PAF1: variants seen among roughly 807,000 people sequenced by gnomAD.
The protein encoded by PAF1 is RNA polymerase II-associated factor 1 homolog.
Under a neutral mutation model 68.4 loss-of-function variants are expected in PAF1, and 31 were observed. The ratio of observed to expected loss-of-function variants is 0.45; its 90% CI spans 0.34 to 0.61. The LOEUF is 0.61. Ranked by LOEUF, PAF1 falls within the 20% of genes least tolerant of loss-of-function variation. PAF1 has a pLI of 0.01. For synonymous variants in PAF1, 256 were observed against 240.5 expected (o/e 1.06, Z -0.60); for missense variants, 435 against 692.9 (o/e 0.63, Z 4.18).
intron 11 of PAF1, among the ~76,000 whole-genome samples, chr19:39,387,788 TA>T (rs2078285195): frequency 6.6e-6 from 1 of 152,240 alleles, no homozygotes; most frequent in Non-Finnish European, 1.5e-5. Context: ...AGTCTGTTAC[TA>T]ATACTGGGAA....
chr19:39,390,570 T>C (rs957634931), intron 1 of PAF1, among the ~76,000 whole-genome samples: 1 of 152,190 alleles, frequency 6.6e-6, no homozygotes. Flanking sequence ...TACTCAATCG[T>C]CTTCGGAAGA....
Position 39,391,093 on chromosome 19 carries a change from G to A in PAF1, c.-229C>T. Reference sequence around the variant, plus strand: ...ACTCGAAGCTCCGGTTCCACCAACTGCCGCCAAGACGCTGAGGACCCAACG... The same window carrying A: ...ACTCGAAGCTCCGGTTCCACCAACTACCGCCAAGACGCTGAGGACCCAACG... On this transcript the variant is annotated 5_prime_UTR_variant, in exon 1 of 14. Coordinates refer to ENST00000221265, the MANE Select transcript of PAF1 (RefSeq NM_019088.4). The A allele has an allele frequency of 1.6e-6, 1 of 631,234 alleles. No homozygotes were observed. Among genetic ancestry groups the A allele is most frequent in the Non-Finnish European group, 2.7e-6 (1 of 366,874 alleles). 39.1% of individuals were successfully genotyped at this position (631,234 alleles called of 1,614,324 possible).
In PAF1 at chr19:39,386,317, C is replaced by T; in HGVS notation, c.1270G>A (p.Asp424Asn). 1 of 1,614,222 alleles carries T rather than the reference C, an allele frequency of 6.2e-7. No individual in the cohort carries two copies. Among genetic ancestry groups the T allele is most frequent in the Non-Finnish European group, 8.5e-7 (1 of 1,180,038 alleles). ...SGSESEREEG[D>N]RDEASDKSGS... ...CTCTTGTCACTGGCCTCGTCCCTGT[C>T]ACCTTCCTCCCGTTCACTCTCGCTG... The change falls in exon 14 of 14, where the codon GAC becomes AAC. Residue 424 changes from aspartate (D) to asparagine (N), a missense_variant. Asp to Asn is a conservative substitution (Grantham distance 23). Transcript: ENST00000221265. The surrounding 1 kb of genome is among the most constrained non-coding windows in gnomAD (Gnocchi z 6.1).
Position 39,386,065 on chromosome 19 carries a change from C to T in PAF1, c.1522G>A (p.Glu508Lys), listed in dbSNP as rs1037226366. 16 of 1,613,878 alleles carry T rather than the reference C, an allele frequency of 9.9e-6. No homozygotes were observed. The highest frequency in any genetic ancestry group is 1.4e-5 in the Non-Finnish European group (16 of 1,180,032). The change falls in exon 14 of 14, where the codon GAG becomes AAG. Residue 508 changes from glutamate to lysine, a missense_variant. Physicochemically the swap from Glu to Lys is moderately conservative, Grantham distance 56 (BLOSUM62 1). Around this residue, in one of 7 missense-constraint regions of PAF1, gnomAD observed 83 missense variants for 99.9 expected, o/e 0.83. Coordinates refer to ENST00000221265, the MANE Select transcript of PAF1 (RefSeq NM_019088.4). This position sits in a 1 kb window ranked among gnomAD's most constrained non-coding sequence, Gnocchi z 6.1. ...CTGCCATCCTCCTGGGCCGAGTGCTCGCTGCCACTGGGGAAGGGACTGGCG... is the reference window on the plus strand; with the variant it reads ...CTGCCATCCTCCTGGGCCGAGTGCTTGCTGCCACTGGGGAAGGGACTGGCG... ...RSASPFPSGSEHSAQEDGSEA... is the reference protein window; with the variant it reads ...RSASPFPSGSKHSAQEDGSEA...
At chr19:39,387,582 T>C (rs1381414256) in intron 11 of PAF1, among the ~76,000 whole-genome samples, 2 of 152,214 alleles carry the variant, frequency 1.3e-5, no homozygotes, top group African/African-American at 4.8e-5. Flanking sequence ...TCACAGTTCT[T>C]GTAATCTCTG....
chr19:39,386,276 G>C lies in PAF1; in HGVS notation c.1311C>G (p.Asp437Glu), dbSNP rs145049661. Residue 437 changes from aspartate (D) to glutamate (E), a missense_variant, in exon 14 of 14, where the codon GAC becomes GAG. Physicochemically the swap from Asp to Glu is conservative, Grantham distance 45. Coordinates refer to ENST00000221265, the MANE Select transcript of PAF1 (RefSeq NM_019088.4). The surrounding 1 kb of genome is among the most constrained non-coding windows in gnomAD (Gnocchi z 6.1). ...EASDKSGSGEDESSEDEARAA... is the reference protein window; with the variant it reads ...EASDKSGSGEEESSEDEARAA... Reference sequence around the variant, plus strand: ...CCCGGGCCTCATCCTCGCTGCTCTCGTCCTCACCACTGCCACTCTTGTCAC... The same window carrying C: ...CCCGGGCCTCATCCTCGCTGCTCTCCTCCTCACCACTGCCACTCTTGTCAC... 1.9e-6 allele frequency: 3 copies of C among 1,613,950 alleles called. No individual in the cohort carries two copies. Among genetic ancestry groups the C allele is most frequent in the South Asian group, 2.2e-5 (2 of 91,078 alleles).
chr19:39,390,218 C>G, intron 2 of PAF1, 42 bp downstream of exon 2: 6 of 1,613,392 alleles, frequency 3.7e-6, no homozygotes, highest in Non-Finnish European at 5.1e-6. Context: ...TGCTCCCAGC[C>G]CCACTGCCCC....
Position 39,386,084 on chromosome 19 carries a change from A to G in PAF1, c.1503T>C (p.Ser501=), listed in dbSNP as rs775782448. 1.2e-6 allele frequency: 2 copies of G among 1,613,888 alleles called. No homozygotes were observed. Among genetic ancestry groups the G allele is most frequent in the Non-Finnish European group, 1.7e-6 (2 of 1,180,010 alleles). ...QRSRSHSRSA[S]PFPSGSEHSA... ...AGTGCTCGCTGCCACTGGGGAAGGG[A>G]CTGGCGCTGCGGCTGTGGCTCCGGC... Residue 501 remains serine, a synonymous_variant, in exon 14 of 14, where the codon AGT becomes AGC. Transcript: ENST00000221265. This position sits in a 1 kb window ranked among gnomAD's most constrained non-coding sequence, Gnocchi z 6.1.
At position 39,390,926 on chromosome 19, in the gene PAF1, G is replaced by A; in HGVS notation, c.-62C>T. 6.6e-7 allele frequency: 1 copy of A among 1,505,864 alleles called. No individual in the cohort carries two copies. Among genetic ancestry groups the A allele is most frequent in the Non-Finnish European group, 9.0e-7 (1 of 1,108,918 alleles). 93.3% of individuals were successfully genotyped at this position (1,505,864 alleles called of 1,614,324 possible). ...CGGGACCGAAGGGGGACGCAGAGGG[G>A]CGTGCCGACTTCAGGGGACGCCTGA... On this transcript the variant is annotated 5_prime_UTR_variant, in exon 1 of 14. Coordinates refer to ENST00000221265, the MANE Select transcript of PAF1 (RefSeq NM_019088.4).
Position 39,386,291 on chromosome 19 carries a change from A to G in PAF1, c.1296T>C (p.Ser432=), listed in dbSNP as rs2078246722. The G allele has an allele frequency of 6.2e-7, 1 of 1,613,052 alleles. No homozygotes were observed. The highest frequency in any genetic ancestry group is 1.7e-5 in the Admixed American group (1 of 59,910). The change falls in exon 14 of 14, where the codon AGT becomes AGC. Residue 432 remains serine, a synonymous_variant. Coordinates refer to ENST00000221265, the MANE Select transcript of PAF1 (RefSeq NM_019088.4). The surrounding 1 kb of genome is among the most constrained non-coding windows in gnomAD (Gnocchi z 6.1). ...EGDRDEASDK[S]GSGEDESSED... is the part of the protein sequence containing the mutation. ...CGCTGCTCTCGTCCTCACCACTGCC[A>G]CTCTTGTCACTGGCCTCGTCCCTGT... is the stretch of plus-strand genomic sequence containing the variant.
intron 1 of PAF1, 56 bp downstream of exon 1, chr19:39,390,762 G>A (rs919602982): frequency 3.9e-6 from 6 of 1,528,334 alleles, no homozygotes; most frequent in Admixed American, 2.0e-5. Context: ...ACGTTGTTCA[G>A]CAGAAACCCT....
At position 39,389,613 on chromosome 19, in the gene PAF1, G is replaced by C; in HGVS notation, c.292+27C>G. On this transcript the variant is annotated intron_variant, in intron 4 of 13. Coordinates refer to ENST00000221265, the MANE Select transcript of PAF1 (RefSeq NM_019088.4). The surrounding 1 kb of genome is among the most constrained non-coding windows in gnomAD (Gnocchi z 5.3). The stretch of plus-strand genomic sequence containing the variant: ...AGGCCTGAGCCTTTGCTGACCTAGA[G>C]CAGACCCTCCCTGTCTCCCCACACA... The C allele has an allele frequency of 6.2e-7, 1 of 1,614,210 alleles. No individual in the cohort carries two copies. Among genetic ancestry groups the C allele is most frequent in the Non-Finnish European group, 8.5e-7 (1 of 1,180,022 alleles).
chr19:39,386,806 G>T lies in PAF1; in HGVS notation c.987-7C>A. On this transcript the variant is annotated splice_region_variant and splice_polypyrimidine_tract_variant and intron_variant, in intron 11 of 13. Coordinates refer to ENST00000221265, the MANE Select transcript of PAF1 (RefSeq NM_019088.4). The surrounding 1 kb of genome is among the most constrained non-coding windows in gnomAD (Gnocchi z 6.1). ...GCGCTTACTAAGGCGGACCCTGCAG[G>T]GGGTGAATTTGGGAGAGAGAAGTGG... 1.2e-6 allele frequency: 2 copies of T among 1,603,776 alleles called. No homozygotes were observed. Among genetic ancestry groups the T allele is most frequent in the South Asian group, 1.1e-5 (1 of 90,878 alleles).
At position 39,388,800 on chromosome 19, in the gene PAF1, A is replaced by C; in HGVS notation, c.702T>G (p.Gly234=). The change falls in exon 9 of 14, where the codon GGT becomes GGG. Residue 234 remains glycine, a synonymous_variant. Coordinates refer to ENST00000221265, the MANE Select transcript of PAF1 (RefSeq NM_019088.4). ...DSDPAPKDTS[G]AAALEMMSQA... ...GAGACATCATCTCCAACGCAGCTGC[A>C]CCACTCGTGTCCTTGGGGGCTGGGT... 1 of 1,614,192 alleles carries C rather than the reference A, an allele frequency of 6.2e-7. No individual in the cohort carries two copies. Among genetic ancestry groups the C allele is most frequent in the Non-Finnish European group, 8.5e-7 (1 of 1,180,024 alleles).
At chr19:39,388,160 C>T (rs1356752917) in intron 11 of PAF1, among the ~76,000 whole-genome samples, 179 bp downstream of exon 11, 1 of 152,024 alleles carries the variant, frequency 6.6e-6, no homozygotes, top group Non-Finnish European at 1.5e-5. Flanking sequence ...GATTTTTTTT[C>T]TGGCTCCTCC....
In PAF1 at chr19:39,390,836, T is replaced by C. The variant is rs1341345269; in HGVS notation, c.29A>G (p.Gln10Arg). 2 of 1,587,478 alleles carry C rather than the reference T, an allele frequency of 1.3e-6. No homozygotes were observed. The highest frequency in any genetic ancestry group is 1.7e-6 in the Non-Finnish European group (2 of 1,166,854). ...CGCCTACCTGTGGCCATCCTCCCGC[T>C]GGGCCTGGGTCTGGATGGTGGGCGC... The part of the protein sequence containing the change: MAPTIQTQA[Q>R]REDGHRPNSH... The change falls in exon 1 of 14, where the codon CAG becomes CGG. Residue 10 changes from glutamine (Q) to arginine (R), a missense_variant. Transcript: ENST00000221265.
rs1381802303 is a variant in PAF1 at position 39,385,970 on chromosome 19, C to T, written c.*21G>A. 1.2e-6 allele frequency: 2 copies of T among 1,612,356 alleles called. No homozygotes were observed. Among genetic ancestry groups the T allele is most frequent in the East Asian group, 4.5e-5 (2 of 44,888 alleles). ...CTGCTCACAATAATGGTGTCTGAAC[C>T]AGCCCTGAATGCCCTGGGACTCAGT... On this transcript the variant is annotated 3_prime_UTR_variant, in exon 14 of 14. Transcript: ENST00000221265.
intron 11 of PAF1, 43 bp downstream of exon 11, chr19:39,388,293 TAAG>T: frequency 1.9e-6 from 3 of 1,610,188 alleles, no homozygotes; most frequent in Non-Finnish European, 2.5e-6. Flanking sequence ...CCCAGGGTCT[TAAG>T]AAGCACAGAT....
Position 39,391,044 on chromosome 19 carries a change from A to G in PAF1, c.-180T>C. On this transcript the variant is annotated 5_prime_UTR_variant, in exon 1 of 14. Coordinates refer to ENST00000221265, the MANE Select transcript of PAF1 (RefSeq NM_019088.4). ...AAGAGCTCCAGCGAGACTCAGGTGA[A>G]CGCGCAGGCAGCACCGGGGACGGAC... 1.5e-6 allele frequency: 1 copy of G among 649,908 alleles called. No homozygotes were observed. The allele number at this position is 649,908 out of a possible 1,614,324, so 40.3% of individuals were successfully genotyped here.
Sources: gnomAD v4.1 joint callset for allele counts (sites outside exome capture counted in the v4.1 genomes callset) on GRCh38, gnomAD v4.1.1 for gene constraint, gnomAD v4.1.1 regional missense constraint, Gnocchi (gnomAD v3.1) non-coding constraint, MANE v1.5 for transcripts, NCBI Gene and HGNC (gene_info 2026-07-23, HGNC 2026-07-21) for gene names.